MAP4K5: variants seen among roughly 807,000 people sequenced by gnomAD.
The protein encoded by MAP4K5 is mitogen-activated protein kinase kinase kinase kinase 5.
MAP4K5 carries 82 observed loss-of-function variants against 135.6 expected under a neutral mutation model. The observed-to-expected ratio is 0.60, with a 90% CI of 0.51 to 0.73. The LOEUF (loss-of-function observed/expected upper bound fraction) is 0.73, where lower values mean the gene tolerates loss of function less well. Among genes scored for constraint, MAP4K5 ranks in the 30% least tolerant of loss-of-function variants. The pLI is 0.00. For synonymous variants in MAP4K5, 347 were observed against 335.0 expected, an observed-to-expected ratio of 1.04 and a Z score of -0.39; for missense variants, 907 against 1,010.9, an observed-to-expected ratio of 0.90 and a Z score of 1.39.
At chr14:50,520,807 T>C in intron 2 of MAP4K5, among the ~76,000 whole-genome samples, 1 of 148,710 alleles carries the variant, frequency 6.7e-6, no homozygotes, top group Non-Finnish European at 1.5e-5. Context: ...AAGGTGGCTA[T>C]CGGCAAAGTC....
intron 1 of MAP4K5, among the ~76,000 whole-genome samples, chr14:50,544,267 G>T (rs574583923): frequency 6.6e-6 from 1 of 152,332 alleles, no homozygotes; most frequent in African/African-American, 2.4e-5. Context: ...AAGCCATGAT[G>T]ATCACTTTGG....
Position 50,526,858 on chromosome 14 carries a change from C to T in MAP4K5, c.108+5084G>A, listed in dbSNP as rs183744343. 7.8e-4 allele frequency among the ~76,000 whole-genome samples: 118 copies of T among 152,246 alleles called. 3 individuals carry two copies. In the East Asian group the frequency reaches 0.02, roughly 26 times the overall value. ...GTAAAGGCATACATAAAGGAGATTCCCCATAGCAGACCTAATTCATCTAGC... is the reference window on the plus strand; with the variant it reads ...GTAAAGGCATACATAAAGGAGATTCTCCATAGCAGACCTAATTCATCTAGC... On this transcript the variant is annotated intron_variant, in intron 2 of 32. Coordinates refer to ENST00000682126, the MANE Select transcript of MAP4K5 (RefSeq NM_006575.6).
In MAP4K5 at chr14:50,473,716, C is replaced by CTTTTTTTTTTTTT. The variant is rs398077753; in HGVS notation, c.542+1348_542+1360dup. Among the ~76,000 whole-genome samples the CTTTTTTTTTTTTT allele has an allele frequency of 5.2e-5, 5 of 95,502 alleles. 1 individual carries two copies. The highest frequency in any genetic ancestry group is 5.7e-5 in the Non-Finnish European group (3 of 53,038). 62.7% of individuals were successfully genotyped at this position (95,502 alleles called of 152,430 possible). A position where few individuals can be genotyped will look rare whatever the true frequency, so the allele number is the denominator to read the frequency against. The stretch of plus-strand genomic sequence containing the variant: ...GTTACTGATGGCTCTTTTGGTTTCA[C>CTTTTTTTTTTTTT]TTTTTTTTTTTTTTTTTTTTTTTTT... On this transcript the variant is annotated intron_variant, in intron 9 of 32. Coordinates refer to ENST00000682126, the MANE Select transcript of MAP4K5 (RefSeq NM_006575.6).
At position 50,504,821 on chromosome 14, in the gene MAP4K5, T is replaced by C; in HGVS notation, c.145A>G (p.Lys49Glu). The C allele has an allele frequency of 6.4e-7, 1 of 1,557,950 alleles. No homozygotes were observed. Among genetic ancestry groups the C allele is most frequent in the South Asian group, 1.2e-5 (1 of 83,726 alleles). ...ATACCAGGCTCCAATTTAATGATTT[T>C]TACTGCAGCCAGCTCTCCTGTGTGT... ...NVHTGELAAV[K>E]IIKLEPGDDF... The change falls in exon 3 of 33, where the codon AAA becomes GAA. Residue 49 changes from lysine to glutamate, a missense_variant. Physicochemically the swap from Lys to Glu is moderately conservative, Grantham distance 56 (BLOSUM62 1). Coordinates refer to ENST00000682126, the MANE Select transcript of MAP4K5 (RefSeq NM_006575.6).
chr14:50,507,643 T>C (rs1595526604), intron 2 of MAP4K5, among the ~76,000 whole-genome samples: 2 of 152,244 alleles, frequency 1.3e-5, no homozygotes, highest in Admixed American at 1.3e-4. Context: ...TCAGTTTCCA[T>C]GCAGTTGAGC....
chr14:50,443,308 C>T (rs943744082), intron 20 of MAP4K5, among the ~76,000 whole-genome samples: 3 of 151,302 alleles, frequency 2.0e-5, no homozygotes, highest in African/African-American at 7.3e-5. Context: ...TTCATGGGAT[C>T]ATGGGGTTCC....
chr14:50,548,838 C>T (rs2038666806), intron 1 of MAP4K5, among the ~76,000 whole-genome samples: 1 of 152,080 alleles, frequency 6.6e-6, no homozygotes. Flanking sequence ...GGGGCAGAAT[C>T]CCACTATACA....
chr14:50,456,252 T>C (rs896316883), intron 14 of MAP4K5: 26 of 437,268 alleles, frequency 5.9e-5, no homozygotes, highest in Middle Eastern at 6.2e-4. Context: ...TGTGATTGCA[T>C]GCAATGTTAA....
At chr14:50,435,137 C>A in intron 26 of MAP4K5, 72 bp from the exon 27 acceptor site, 1 of 718,276 alleles carries the variant, frequency 1.4e-6, no homozygotes, top group Non-Finnish European at 2.3e-6. Context: ...TATCTGTTAA[C>A]CAGGATGACA....
chr14:50,487,838 C>T (rs2037400010), intron 3 of MAP4K5, among the ~76,000 whole-genome samples: 1 of 152,178 alleles, frequency 6.6e-6, no homozygotes, highest in Non-Finnish European at 1.5e-5. Context: ...TTTTATATCA[C>T]TCCTCCATCT....
chr14:50,447,611 A>C (rs780666180), intron 15 of MAP4K5, 130 bp from the exon 16 acceptor site: 34 of 608,394 alleles, frequency 5.6e-5, no homozygotes, highest in Non-Finnish European at 8.6e-5. Flanking sequence ...TTTAATCTCT[A>C]GCTAGATTTG....
At chr14:50,534,160 A>T (rs934796464), upstream of MAP4K5, among the ~76,000 whole-genome samples, 5 of 152,232 alleles carry the variant, frequency 3.3e-5, no homozygotes, top group South Asian at 2.1e-4. Context: ...CTGATCCTTT[A>T]TCTAGTCTGA....
intron 3 of MAP4K5, among the ~76,000 whole-genome samples, chr14:50,491,324 CT>C (rs869302168): frequency 0.01 from 1,468 of 139,864 alleles, 43 homozygotes; most frequent in Admixed American, 0.081. Context: ...TATTATCTCT[CT>C]TTTTTTTTTT....
In MAP4K5 at chr14:50,448,774, C is replaced by G; in HGVS notation, c.1074G>C (p.Met358Ile). 6.5e-7 allele frequency: 1 copy of G among 1,546,712 alleles called. No homozygotes were observed. Among genetic ancestry groups the G allele is most frequent in the Admixed American group, 1.9e-5 (1 of 51,690 alleles). ...LRKETEARDEMGLSSDPNFML... is the reference protein window; with the variant it reads ...LRKETEARDEIGLSSDPNFML... ...TAATGCTTTAAAAATGAATTCTTAC[C>G]ATTTCATCTCGTGCTTCTGTTTCTT... is the stretch of plus-strand genomic sequence containing the variant. Residue 358 changes from methionine (M) to isoleucine (I), a missense_variant and splice_region_variant, in exon 15 of 33, where the codon ATG (methionine) becomes ATC (isoleucine). Transcript: ENST00000682126.
At chr14:50,534,283 C>T (rs778811670), upstream of MAP4K5, among the ~76,000 whole-genome samples, 1 of 152,004 alleles carries the variant, frequency 6.6e-6, no homozygotes, top group African/African-American at 2.4e-5. Flanking sequence ...ACTAGTATGA[C>T]GTTAAAGAGA....
chr14:50,493,758 C>T (rs1048600650), intron 3 of MAP4K5, among the ~76,000 whole-genome samples: 7 of 152,018 alleles, frequency 4.6e-5, no homozygotes, highest in African/African-American at 1.2e-4. Flanking sequence ...AATTCCAGCA[C>T]GGGCAGATCG....
chr14:50,552,180 T>C (rs2038711131), intron 1 of MAP4K5, among the ~76,000 whole-genome samples: 1 of 152,178 alleles, frequency 6.6e-6, no homozygotes, highest in Non-Finnish European at 1.5e-5. Flanking sequence ...ACAAAATCAA[T>C]GTACACAAAT....
intron 1 of MAP4K5, among the ~76,000 whole-genome samples, chr14:50,544,483 A>G (rs1252414966): frequency 6.6e-6 from 1 of 152,214 alleles, no homozygotes; most frequent in Non-Finnish European, 1.5e-5. Context: ...CACAGGAGGA[A>G]AAGTCTGCTG....
intron 9 of MAP4K5, among the ~76,000 whole-genome samples, chr14:50,470,487 T>C (rs1464701023): frequency 6.6e-6 from 1 of 152,130 alleles, no homozygotes. Context: ...CACCTATATC[T>C]TCATTTAACT....
Sources: allele counts gnomAD v4.1 joint callset (sites outside exome capture counted in the v4.1 genomes callset), GRCh38; gene constraint gnomAD v4.1.1; transcripts MANE v1.5; gene names NCBI Gene and HGNC (gene_info 2026-07-23, HGNC 2026-07-21).